The following LRP1B variants were observed in gnomAD, a reference collection of about 807,000 sequenced individuals.
LRP1B encodes the protein low-density lipoprotein receptor-related protein 1B.
A neutral mutation model predicts 556.6 loss-of-function variants in LRP1B; 217 were observed. That is an observed-to-expected ratio of 0.39 (90% CI 0.35 to 0.44). LRP1B has a LOEUF of 0.44. LRP1B is among the 20% of genes least tolerant of loss of function. LRP1B has a pLI of 1.00. For missense variants in LRP1B, 5,053 were observed against 5,620.8 expected (o/e 0.90, Z 3.23); for synonymous variants, 2,047 against 1,865.8 (o/e 1.10, Z -2.50).
Position 142,012,914 on chromosome 2 carries a change from T to C in LRP1B, c.82+117734A>G, listed in dbSNP as rs148824720. Among the ~76,000 whole-genome samples, 772 of 152,250 alleles carry C rather than the reference T, an allele frequency of 5.1e-3. 6 individuals are homozygous for C. The highest frequency in any genetic ancestry group is 0.017 in the African/African-American group (725 of 41,558). ...AGGCTTTAACCTCTCATCTGTCAAA[T>C]AGACCTAAGTTTGGGGAGTATTATA... is the stretch of plus-strand genomic sequence containing the variant. On this transcript the variant is annotated intron_variant, in intron 1 of 90. Transcript: ENST00000389484.
chr2:140,298,075 G>T, intron 83 of LRP1B, 106 bp from the exon 84 acceptor site: 1 of 1,024,256 alleles, frequency 9.8e-7, no homozygotes, highest in Non-Finnish European at 1.4e-6. Context: ...TCTGGTCAAG[G>T]TCTGTCCATG....
chr2:140,769,172 T>C (rs1239829898), intron 35 of LRP1B, 41 bp downstream of exon 35: 1 of 1,566,000 alleles, frequency 6.4e-7, no homozygotes, highest in African/African-American at 1.4e-5. Flanking sequence ...ATAAATCAAG[T>C]GAATATATTA....
At chr2:141,601,163 A>T (rs1687720920) in intron 2 of LRP1B, among the ~76,000 whole-genome samples, 1 of 152,008 alleles carries the variant, frequency 6.6e-6, no homozygotes, top group Non-Finnish European at 1.5e-5. Context: ...TTTTAAGTTT[A>T]AAATAGATCC....
rs1224225080 is a variant in LRP1B at position 140,867,733 on chromosome 2, C to T, written c.4436G>A (p.Gly1479Glu). 1.2e-6 allele frequency: 2 copies of T among 1,611,926 alleles called. No homozygotes were observed. The highest frequency in any genetic ancestry group is 1.3e-5 in the African/African-American group (1 of 74,692). Residue 1479 changes from glycine to glutamate, a missense_variant, in exon 27 of 91, where the codon GGG (glycine) becomes GAG (glutamate). Around this residue, in one of 5 missense-constraint regions of LRP1B, gnomAD observed 3,619 missense variants for 3,931.9 expected, o/e 0.92. Coordinates refer to ENST00000389484, the MANE Select transcript of LRP1B (RefSeq NM_018557.3). ...CCAGTCTGTCCAGTAGACTTCACTCCCATATAGAGACACAGCAAAGGGATG... is the reference window on the plus strand; with the variant it reads ...CCAGTCTGTCCAGTAGACTTCACTCTCATATAGAGACACAGCAAAGGGATG... ...LSHPFAVSLY[G>E]SEVYWTDWRT...
chr2:140,742,435 A>G (rs1266765276), intron 35 of LRP1B, among the ~76,000 whole-genome samples: 1 of 152,216 alleles, frequency 6.6e-6, no homozygotes, highest in Non-Finnish European at 1.5e-5. Context: ...ATCATTCTGT[A>G]ATAAATAGTA....
intron 2 of LRP1B, among the ~76,000 whole-genome samples, chr2:141,621,520 C>A (rs1044125201): frequency 2.6e-5 from 4 of 152,206 alleles, no homozygotes; most frequent in Middle Eastern, 3.4e-3. Context: ...ACGATATATT[C>A]CCTTAAACTA....
chr2:141,305,115 G>C (rs770221155), intron 3 of LRP1B, among the ~76,000 whole-genome samples: 36 of 151,848 alleles, frequency 2.4e-4, no homozygotes, highest in Non-Finnish European at 5.2e-4. Context: ...TTCTATTTTT[G>C]TGAAAAATGA....
chr2:141,559,561 T>C (rs1217764825), intron 2 of LRP1B, among the ~76,000 whole-genome samples: 1 of 151,702 alleles, frequency 6.6e-6, no homozygotes, highest in African/African-American at 2.4e-5. Flanking sequence ...TAAAAGTCAG[T>C]ATTAATTTGG....
intron 2 of LRP1B, among the ~76,000 whole-genome samples, chr2:141,675,468 G>T (rs1690839791): frequency 6.6e-6 from 1 of 151,666 alleles, no homozygotes; most frequent in Non-Finnish European, 1.5e-5. Flanking sequence ...AGAGGCATCA[G>T]GTTTTAATTT....
At chr2:140,273,827 T>A (rs1682564087) in intron 85 of LRP1B, among the ~76,000 whole-genome samples, 1 of 151,982 alleles carries the variant, frequency 6.6e-6, no homozygotes. Context: ...TGTTCTGTTT[T>A]CCATTCACTT....
intron 35 of LRP1B, among the ~76,000 whole-genome samples, chr2:140,749,951 T>C (rs1688512615): frequency 6.6e-6 from 1 of 152,166 alleles, no homozygotes; most frequent in South Asian, 2.1e-4. Flanking sequence ...TTATGATGGC[T>C]AAGACACCAC....
Position 141,857,901 on chromosome 2 carries a change from C to G in LRP1B, c.83-47500G>C, listed in dbSNP as rs532515777. Among the ~76,000 whole-genome samples, 123 of 152,168 alleles carry G rather than the reference C, an allele frequency of 8.1e-4. 2 individuals carry two copies. Among genetic ancestry groups the G allele is most frequent in the Admixed American group, 7.1e-3 (109 of 15,272 alleles). On this transcript the variant is annotated intron_variant, in intron 1 of 90. Transcript: ENST00000389484. ...TGTCACCTTAGCCCTTTTCCTGGCCCTAGGAGAAAATAAACCATTTCCCAC... is the reference window on the plus strand; with the variant it reads ...TGTCACCTTAGCCCTTTTCCTGGCCGTAGGAGAAAATAAACCATTTCCCAC...
At chr2:141,251,512 C>A (rs410689) in intron 4 of LRP1B, among the ~76,000 whole-genome samples, 32,714 of 151,850 alleles carry the variant, frequency 0.22, 3,604 homozygotes, top group South Asian at 0.25. Flanking sequence ...TTTCTTTCAG[C>A]ATAAAACAAA....
intron 7 of LRP1B, among the ~76,000 whole-genome samples, chr2:141,136,434 A>T (rs1050237441): frequency 3.3e-5 from 5 of 151,838 alleles, no homozygotes; most frequent in African/African-American, 1.2e-4. Context: ...TAATCTATAC[A>T]AACAAACTTT....
intron 3 of LRP1B, among the ~76,000 whole-genome samples, chr2:141,292,061 G>A (rs1399787381): frequency 6.6e-6 from 1 of 152,158 alleles, no homozygotes. Flanking sequence ...CATGGGTGAG[G>A]TAGCATTACT....
intron 43 of LRP1B, among the ~76,000 whole-genome samples, chr2:140,543,597 C>T (rs1025543766): frequency 3.3e-5 from 5 of 151,628 alleles, no homozygotes; most frequent in African/African-American, 1.2e-4. Flanking sequence ...AGAAATATAA[C>T]GAGGCACAAA....
intron 41 of LRP1B, among the ~76,000 whole-genome samples, chr2:140,662,789 C>T (rs1382499371): frequency 6.6e-6 from 1 of 152,070 alleles, no homozygotes; most frequent in East Asian, 1.9e-4. Flanking sequence ...TACAAAGTCT[C>T]AGAGGAAACA....
intron 3 of LRP1B, among the ~76,000 whole-genome samples, chr2:141,332,846 T>C (rs1687708115): frequency 6.6e-6 from 1 of 151,828 alleles, no homozygotes; most frequent in East Asian, 1.9e-4. Context: ...CAGGGTACTA[T>C]AATCACCAAG....
intron 49 of LRP1B, among the ~76,000 whole-genome samples, chr2:140,517,296 C>A (rs1689947692): frequency 6.6e-6 from 1 of 151,934 alleles, no homozygotes; most frequent in African/African-American, 2.4e-5. Flanking sequence ...ATAACAGTAG[C>A]ACTTAGTTAA....
Sources: gnomAD v4.1 joint callset for allele counts (sites outside exome capture counted in the v4.1 genomes callset) on GRCh38, gnomAD v4.1.1 for gene constraint, gnomAD v4.1.1 regional missense constraint, MANE v1.5 for transcripts, NCBI Gene and HGNC (gene_info 2026-07-23, HGNC 2026-07-21) for gene names.